TOM1L2: variants seen among roughly 807,000 people sequenced by gnomAD.
TOM1L2 encodes the protein TOM1-like protein 2.
Under a neutral mutation model 67.9 loss-of-function variants are expected in TOM1L2, and 31 were observed. That is an observed-to-expected ratio of 0.46 (90% CI 0.34 to 0.62). The LOEUF is 0.62. TOM1L2 is among the 20% of genes least tolerant of loss of function. TOM1L2 has a pLI of 0.01. For synonymous variants in TOM1L2, 256 were observed against 254.0 expected, an observed-to-expected ratio of 1.01 and a Z score of -0.07; for missense variants, 606 against 663.5, an observed-to-expected ratio of 0.91 and a Z score of 0.95.
intron 1 of TOM1L2, among the ~76,000 whole-genome samples, chr17:17,950,444 T>G (rs2041152835): frequency 6.6e-6 from 1 of 151,734 alleles, no homozygotes; most frequent in Admixed American, 6.6e-5. Context: ...CAGGCGTGAG[T>G]CACTATGCCT....
rs1222618385 is a variant in TOM1L2 at position 17,844,569 on chromosome 17, T to A, written c.*3066A>T. On this transcript the variant is annotated 3_prime_UTR_variant, in exon 15 of 15. Transcript: ENST00000379504. The stretch of plus-strand genomic sequence containing the variant: ...CAACAACCCCTTGAGGCTCCAAAGC[T>A]CCTTGTCCCATGCACGCTGGTAAGC... The A allele has an allele frequency of 6.6e-6, 1 of 152,288 alleles. No homozygotes were observed. Among genetic ancestry groups the A allele is most frequent in the Non-Finnish European group, 1.5e-5 (1 of 68,110 alleles). 9.4% of individuals were successfully genotyped at this position (152,288 alleles called of 1,614,324 possible). A position where few individuals can be genotyped will look rare whatever the true frequency, so the allele number is the denominator to read the frequency against.
chr17:17,966,848 A>G (rs1480949835), intron 1 of TOM1L2, among the ~76,000 whole-genome samples: 1 of 152,244 alleles, frequency 6.6e-6, no homozygotes, highest in Non-Finnish European at 1.5e-5. Flanking sequence ...CCTTCCAGTT[A>G]TCTTCCTGTA....
At chr17:17,879,966 G>T (rs1441237504) in intron 6 of TOM1L2, among the ~76,000 whole-genome samples, 4 of 152,292 alleles carry the variant, frequency 2.6e-5, no homozygotes, top group African/African-American at 7.2e-5. Context: ...AGTCTGTTGT[G>T]CCTCTCTGAC....
chr17:17,892,749 G>C (rs1027073796), intron 4 of TOM1L2, among the ~76,000 whole-genome samples: 3 of 152,048 alleles, frequency 2.0e-5, no homozygotes, highest in Non-Finnish European at 2.9e-5. Context: ...CTTGAGGCTA[G>C]GCCTGGTGAC....
At chr17:17,852,251 C>T (rs1294285347) in intron 12 of TOM1L2, among the ~76,000 whole-genome samples, 2 of 152,174 alleles carry the variant, frequency 1.3e-5, no homozygotes, top group African/African-American at 4.8e-5. Flanking sequence ...AGAAAAAGAA[C>T]AAAGAACACA....
chr17:17,857,768 C>A, intron 12 of TOM1L2: 2 of 1,535,622 alleles, frequency 1.3e-6, no homozygotes, highest in Non-Finnish European at 1.7e-6. Flanking sequence ...TGACTCCTCA[C>A]CATTCCTTGG....
chr17:17,970,630 CA>C (rs1395785888), intron 1 of TOM1L2, among the ~76,000 whole-genome samples: 1 of 152,006 alleles, frequency 6.6e-6, no homozygotes, highest in Non-Finnish European at 1.5e-5. Context: ...GACAAGATGT[CA>C]AAAAGGTGGG....
intron 14 of TOM1L2, 152 bp from the exon 15 acceptor site, chr17:17,847,935 T>C: frequency 1.0e-6 from 1 of 969,038 alleles, no homozygotes; most frequent in Non-Finnish European, 1.6e-6. Flanking sequence ...TGAGCTGCAG[T>C]GTGGGGGGAG....
At chr17:17,921,601 G>C (rs575207125) in intron 1 of TOM1L2, among the ~76,000 whole-genome samples, 1 of 152,320 alleles carries the variant, frequency 6.6e-6, no homozygotes, top group East Asian at 1.9e-4. Flanking sequence ...CTTTGGGGAA[G>C]AGGGGGCTGT....
intron 1 of TOM1L2, among the ~76,000 whole-genome samples, chr17:17,954,782 G>A (rs2041358108): frequency 6.6e-6 from 1 of 152,158 alleles, no homozygotes; most frequent in Non-Finnish European, 1.5e-5. Flanking sequence ...AATGGTCCAG[G>A]CATGACCAAG....
Position 17,907,521 on chromosome 17 carries a change from T to C in TOM1L2, c.63A>G (p.Thr21=). Residue 21 remains threonine, a synonymous_variant, in exon 2 of 15, where the codon ACA becomes ACG. Transcript: ENST00000379504. The stretch of plus-strand genomic sequence containing the variant: ...AATCCTCACTTTGCAGGGAGCCATC[T>C]GTTGCCTTTTCTGTGAAATCAGAGA... ...TPVGQCLEKA[T]DGSLQSEDWT... is the part of the protein sequence containing the mutation. 6.2e-7 allele frequency: 1 copy of C among 1,613,968 alleles called. No individual in the cohort carries two copies.
chr17:17,927,238 C>T (rs2040129772), intron 1 of TOM1L2, among the ~76,000 whole-genome samples: 1 of 152,106 alleles, frequency 6.6e-6, no homozygotes, highest in African/African-American at 2.4e-5. Context: ...AGGGACAGGC[C>T]CGACATTATT....
intron 1 of TOM1L2, among the ~76,000 whole-genome samples, chr17:17,946,322 T>C (rs2040950194): frequency 6.6e-6 from 1 of 152,134 alleles, no homozygotes; most frequent in Admixed American, 6.5e-5. Context: ...CTAGAATATA[T>C]TCATCATCCT....
At chr17:17,914,516 T>C (rs941810902) in intron 1 of TOM1L2, among the ~76,000 whole-genome samples, 1 of 152,220 alleles carries the variant, frequency 6.6e-6, no homozygotes, top group Non-Finnish European at 1.5e-5. Flanking sequence ...AGAGGGGGTA[T>C]GGCATCTCTG....
intron 12 of TOM1L2, among the ~76,000 whole-genome samples, chr17:17,855,544 C>T (rs1397325771): frequency 6.6e-6 from 1 of 152,178 alleles, no homozygotes; most frequent in Non-Finnish European, 1.5e-5. Flanking sequence ...CCCTGAGAGC[C>T]GCCCGGCCCT....
intron 12 of TOM1L2, among the ~76,000 whole-genome samples, chr17:17,853,032 C>T (rs941567422): frequency 1.3e-5 from 2 of 152,178 alleles, no homozygotes; most frequent in African/African-American, 4.8e-5. Context: ...CTGGCACTTC[C>T]TTGCCCTTGC....
intron 1 of TOM1L2, among the ~76,000 whole-genome samples, chr17:17,916,917 G>A (rs903653282): frequency 6.6e-6 from 1 of 152,128 alleles, no homozygotes; most frequent in Non-Finnish European, 1.5e-5. Flanking sequence ...CAGCATTTTG[G>A]GAGGCCGAGG....
intron 1 of TOM1L2, among the ~76,000 whole-genome samples, chr17:17,960,659 T>C (rs2041641601): frequency 6.6e-6 from 1 of 152,192 alleles, no homozygotes; most frequent in Admixed American, 6.5e-5. Flanking sequence ...TTCTAAGCCT[T>C]AGTTTCCTAG....
At chr17:17,862,467 T>C (rs759758595) in intron 11 of TOM1L2, 3 of 360,114 alleles carry the variant, frequency 8.3e-6, no homozygotes, top group Admixed American at 4.4e-5. Flanking sequence ...AGAAAAGCTG[T>C]CTCTTACAAC....
Sources: gnomAD v4.1 joint callset for allele counts (sites outside exome capture counted in the v4.1 genomes callset) on GRCh38, gnomAD v4.1.1 for gene constraint, MANE v1.5 for transcripts, NCBI Gene and HGNC (gene_info 2026-07-23, HGNC 2026-07-21) for gene names.